The following LRMDA variants were observed in gnomAD, a reference collection of about 807,000 sequenced individuals.
LRMDA encodes leucine rich melanocyte differentiation associated.
LRMDA carries 18 observed loss-of-function variants against 29.8 expected under a neutral mutation model. The observed-to-expected ratio is 0.60, with a 90% CI of 0.42 to 0.90. The LOEUF is 0.90. Ranked by LOEUF, LRMDA falls within the 40% of genes least tolerant of loss-of-function variation. The pLI, the probability that LRMDA is intolerant of heterozygous loss-of-function variation, is 0.00. For missense variants in LRMDA, 273 were observed against 273.9 expected, an observed-to-expected ratio of 1.00 and a Z score of 0.02; for synonymous variants, 125 against 109.4, an observed-to-expected ratio of 1.14 and a Z score of -0.89.
At chr10:75,524,459 G>C (rs1355857758) in intron 2 of LRMDA, among the ~76,000 whole-genome samples, 2 of 152,102 alleles carry the variant, frequency 1.3e-5, no homozygotes, top group Admixed American at 1.3e-4. Context: ...TAGGGTCTTG[G>C]TGATGTAATT....
At chr10:75,578,096 C>T (rs1052103940) in intron 2 of LRMDA, among the ~76,000 whole-genome samples, 1 of 150,968 alleles carries the variant, frequency 6.6e-6, no homozygotes, top group Non-Finnish European at 1.5e-5. Flanking sequence ...AGACTGGCAA[C>T]CTGGATAAAG....
intron 2 of LRMDA, among the ~76,000 whole-genome samples, chr10:75,922,861 T>C (rs562033955): frequency 6.6e-6 from 1 of 152,368 alleles, no homozygotes; most frequent in East Asian, 1.9e-4. Flanking sequence ...TCTTTCCATC[T>C]ATTTCCTATA....
intron 5 of LRMDA, among the ~76,000 whole-genome samples, chr10:76,204,516 G>A (rs1172768920): frequency 6.6e-6 from 1 of 152,186 alleles, no homozygotes; most frequent in Non-Finnish European, 1.5e-5. Context: ...GCTCTTGCAG[G>A]GAAACAAGAC....
chr10:76,329,166 C>T (rs902196638), intron 6 of LRMDA, among the ~76,000 whole-genome samples: 2 of 152,216 alleles, frequency 1.3e-5, no homozygotes, highest in African/African-American at 4.8e-5. Flanking sequence ...TTTGGCCCAA[C>T]TCTAACCTAG....
chr10:75,488,060 A>G (rs368974861), intron 2 of LRMDA, among the ~76,000 whole-genome samples: 1 of 152,144 alleles, frequency 6.6e-6, no homozygotes, highest in Non-Finnish European at 1.5e-5. Context: ...CCAAAGGGCT[A>G]TTGAGGGAGA....
intron 5 of LRMDA, among the ~76,000 whole-genome samples, chr10:76,079,045 C>T (rs932786930): frequency 1.3e-5 from 2 of 152,106 alleles, no homozygotes; most frequent in African/African-American, 2.4e-5. Flanking sequence ...CAGCCTTAGC[C>T]TTCACAGGGA....
At chr10:75,989,488 C>T (rs1320897367) in intron 2 of LRMDA, among the ~76,000 whole-genome samples, 1 of 152,172 alleles carries the variant, frequency 6.6e-6, no homozygotes, top group African/African-American at 2.4e-5. Context: ...GGTGTTAAAC[C>T]ATGAGAAACC....
At chr10:76,066,696 T>C (rs913613453) in intron 5 of LRMDA, among the ~76,000 whole-genome samples, 1 of 152,170 alleles carries the variant, frequency 6.6e-6, no homozygotes, top group Admixed American at 6.5e-5. Flanking sequence ...TTTAACCCTG[T>C]GATGACTCCC....
chr10:76,279,539 C>CTT lies in LRMDA; in HGVS notation c.517-44840_517-44839dup, dbSNP rs759651873. On this transcript the variant is annotated intron_variant, in intron 5 of 6. Transcript: ENST00000611255. ...GATTAAAAACTAATAACAAATGCTT[C>CTT]TTTTTTTTTTTTTTTTTTTTTTTGA... Among the ~76,000 whole-genome samples the CTT allele has an allele frequency of 5.8e-3, 545 of 93,616 alleles. 2 individuals are homozygous for CTT. The highest frequency in any genetic ancestry group is 6.8e-3 in the Non-Finnish European group (322 of 47,468). 61.4% of individuals were successfully genotyped at this position (93,616 alleles called of 152,430 possible).
At chr10:75,707,784 G>C (rs1261070617) in intron 2 of LRMDA, among the ~76,000 whole-genome samples, 5 of 152,186 alleles carry the variant, frequency 3.3e-5, no homozygotes, top group African/African-American at 1.2e-4. Context: ...CCCCTTTCCT[G>C]CCAGTACTGT....
At chr10:75,900,436 G>A (rs1845651509) in intron 2 of LRMDA, among the ~76,000 whole-genome samples, 1 of 152,138 alleles carries the variant, frequency 6.6e-6, no homozygotes, top group Non-Finnish European at 1.5e-5. Context: ...TATGGTTCCC[G>A]GTTCCCCTAA....
At chr10:75,821,429 A>G (rs188318824) in intron 2 of LRMDA, among the ~76,000 whole-genome samples, 7 of 152,328 alleles carry the variant, frequency 4.6e-5, no homozygotes, top group African/African-American at 1.7e-4. Flanking sequence ...GATCATATCA[A>G]TAGATGCAGA....
intron 2 of LRMDA, among the ~76,000 whole-genome samples, chr10:75,482,057 C>T (rs1469305826): frequency 6.6e-6 from 1 of 152,146 alleles, no homozygotes; most frequent in Non-Finnish European, 1.5e-5. Flanking sequence ...CTGTTATGTT[C>T]CTAGTTATTC....
intron 5 of LRMDA, among the ~76,000 whole-genome samples, chr10:76,085,553 C>G (rs1421275081): frequency 6.6e-6 from 1 of 152,094 alleles, no homozygotes; most frequent in East Asian, 1.9e-4. Context: ...GGAGGGGTCG[C>G]TTTACTTTCC....
chr10:75,895,856 A>G (rs1845572306), intron 2 of LRMDA, among the ~76,000 whole-genome samples: 1 of 152,208 alleles, frequency 6.6e-6, no homozygotes. Context: ...GATAAAAACC[A>G]TGGAAGTTGT....
intron 2 of LRMDA, among the ~76,000 whole-genome samples, chr10:75,497,271 A>G (rs1161898441): frequency 1.3e-5 from 2 of 152,086 alleles, no homozygotes; most frequent in Admixed American, 6.5e-5. Flanking sequence ...AGTTTGAAGG[A>G]TTGTATAGTG....
intron 5 of LRMDA, among the ~76,000 whole-genome samples, chr10:76,274,023 C>T (rs542464032): frequency 2.3e-4 from 35 of 152,176 alleles, no homozygotes; most frequent in African/African-American, 7.5e-4. Context: ...TATTTCTAAA[C>T]ATTTGAAGAT....
intron 2 of LRMDA, among the ~76,000 whole-genome samples, chr10:75,550,424 T>A (rs534695699): frequency 1.3e-5 from 2 of 152,282 alleles, no homozygotes; most frequent in East Asian, 3.9e-4. Flanking sequence ...AACTGAGTCT[T>A]TGTTCCTAAA....
chr10:75,664,415 T>G (rs60654381), intron 2 of LRMDA, among the ~76,000 whole-genome samples: 1 of 152,336 alleles, frequency 6.6e-6, no homozygotes, highest in African/African-American at 2.4e-5. Flanking sequence ...ATGGGCTTGG[T>G]GCCAGGGATA....
Sources: gnomAD v4.1 joint callset for allele counts (sites outside exome capture counted in the v4.1 genomes callset) on GRCh38, gnomAD v4.1.1 for gene constraint, MANE v1.5 for transcripts, NCBI Gene and HGNC (gene_info 2026-07-23, HGNC 2026-07-21) for gene names.